SLC24A5: variants seen among roughly 807,000 people sequenced by gnomAD.
SLC24A5 encodes sodium/potassium/calcium exchanger 5.
SLC24A5 carries 46 observed loss-of-function variants against 51.6 expected under a neutral mutation model. The ratio of observed to expected loss-of-function variants is 0.89; its 90% CI spans 0.70 to 1.14. SLC24A5 has a LOEUF of 1.14. SLC24A5 is among the 50% of genes most tolerant of loss of function. The pLI, the probability that SLC24A5 is intolerant of heterozygous loss-of-function variation, is 0.00. For synonymous variants in SLC24A5, 230 were observed against 214.9 expected (o/e 1.07, Z -0.62); for missense variants, 581 against 604.1 (o/e 0.96, Z 0.40).
chr15:48,128,080 A>G (rs1218816106), intron 2 of SLC24A5, among the ~76,000 whole-genome samples: 6 of 151,892 alleles, frequency 4.0e-5, no homozygotes, highest in Non-Finnish European at 8.8e-5. Flanking sequence ...TAATTTTAGA[A>G]ACACAAAAGA....
chr15:48,138,992 C>A lies in SLC24A5; in HGVS notation c.895C>A (p.Pro299Thr), dbSNP rs111834801. ...SEDPPSVFNM[P>T]EADLKRIFWV... The stretch of plus-strand genomic sequence containing the variant: ...AGATCCACCAAGTGTTTTCAACATG[C>A]CTGAAGCAGACTTAAAAAGAATTTT... Residue 299 changes from proline to threonine, a missense_variant, in exon 7 of 9, where the codon CCT (proline) becomes ACT (threonine). By Grantham distance (38) the Pro-to-Thr change is conservative. Coordinates refer to ENST00000341459, the MANE Select transcript of SLC24A5 (RefSeq NM_205850.3). 2 of 1,612,498 alleles carry A rather than the reference C, an allele frequency of 1.2e-6. No individual in the cohort carries two copies. The highest frequency in any genetic ancestry group is 1.3e-5 in the African/African-American group (1 of 74,966).
chr15:48,132,638 G>A (rs1027220415), intron 2 of SLC24A5, among the ~76,000 whole-genome samples: 1 of 151,990 alleles, frequency 6.6e-6, no homozygotes, highest in Non-Finnish European at 1.5e-5. Context: ...TCTCACTCAG[G>A]GTCTCTTGTG....
chr15:48,132,604 G>C (rs567541917), intron 2 of SLC24A5, among the ~76,000 whole-genome samples: 1 of 152,236 alleles, frequency 6.6e-6, no homozygotes, highest in Admixed American at 6.5e-5. Context: ...GGTTTTGGGT[G>C]TTTACTGAGC....
At chr15:48,129,901 A>G (rs916355928) in intron 2 of SLC24A5, among the ~76,000 whole-genome samples, 1 of 152,090 alleles carries the variant, frequency 6.6e-6, no homozygotes, top group Non-Finnish European at 1.5e-5. Context: ...AAATAACTTA[A>G]GTCTCCTATC....
In SLC24A5 at chr15:48,131,899, A is replaced by G. The variant is rs539592012; in HGVS notation, c.302-2359A>G. On this transcript the variant is annotated intron_variant, in intron 2 of 8. Coordinates refer to ENST00000341459, the MANE Select transcript of SLC24A5 (RefSeq NM_205850.3). ...TCACAATGGTTTTTCAGGTGTCAAA[A>G]TAGCTTGGATTAGGGCTGGTTGGAT... Among the ~76,000 whole-genome samples, 22 of 152,262 alleles carry G rather than the reference A, an allele frequency of 1.4e-4. No homozygotes were observed. In the South Asian group the frequency reaches 4.3e-3, roughly 30 times the overall value.
rs2039067518 is a variant in SLC24A5, at chr15:48,141,143, T to C, written c.1109T>C (p.Met370Thr). The change falls in exon 8 of 9, where the codon ATG becomes ACG. Residue 370 changes from methionine to threonine, a missense_variant. Coordinates refer to ENST00000341459, the MANE Select transcript of SLC24A5 (RefSeq NM_205850.3). ...GETLEIPDTV[M>T]GLTLLAAGTS... The stretch of plus-strand genomic sequence containing the variant: ...ACACTAGAAATTCCCGATACAGTAA[T>C]GGGCCTTACTTTATTAGCAGCAGGA... The C allele has an allele frequency of 5.0e-6, 8 of 1,613,594 alleles. No homozygotes were observed. Among genetic ancestry groups the C allele is most frequent in the Admixed American group, 1.7e-5 (1 of 59,984 alleles).
Position 48,124,645 on chromosome 15 carries a change from C to T in SLC24A5, c.301+2609C>T, listed in dbSNP as rs1179546269. 2.6e-5 allele frequency: 4 copies of T among 152,178 alleles called. No homozygotes were observed. In the East Asian group the frequency reaches 7.7e-4, roughly 29 times the overall value. 9.4% of individuals were successfully genotyped at this position (152,178 alleles called of 1,614,324 possible). A position where few individuals can be genotyped will look rare whatever the true frequency, so the allele number is the denominator to read the frequency against. On this transcript the variant is annotated intron_variant, in intron 2 of 8. Coordinates refer to ENST00000341459, the MANE Select transcript of SLC24A5 (RefSeq NM_205850.3). ...AACCTTTCTAGCCCTGTAGAAGACA[C>T]TACTGCATTAAAATTTAGATTATGA...
chr15:48,142,280 C>T lies in SLC24A5; in HGVS notation c.1432C>T (p.Leu478Phe), dbSNP rs144839248. The change falls in exon 9 of 9, where the codon CTT (leucine) becomes TTT (phenylalanine). Residue 478 changes from leucine to phenylalanine, a missense_variant. Transcript: ENST00000341459. ...AGTCTGCCTATTATCATACTTGGGG[C>T]TTGCTACATTATCAGTTCTATATGA... Reference protein sequence around the residue: ...GIVCLLSYLGLATLSVLYELG... With the variant: ...GIVCLLSYLGFATLSVLYELG... 6.2e-7 allele frequency: 1 copy of T among 1,613,398 alleles called. No individual in the cohort carries two copies. The highest frequency in any genetic ancestry group is 8.5e-7 in the Non-Finnish European group (1 of 1,179,646).
At position 48,136,742 on chromosome 15, in the gene SLC24A5, A is replaced by C; in HGVS notation, c.650A>C (p.Asp217Ala). 1.2e-6 allele frequency: 2 copies of C among 1,613,594 alleles called. No homozygotes were observed. Among genetic ancestry groups the C allele is most frequent in the Non-Finnish European group, 1.7e-6 (2 of 1,179,758 alleles). Residue 217 changes from aspartate to alanine, a missense_variant, in exon 6 of 9, where the codon GAC (aspartate) becomes GCC (alanine). Coordinates refer to ENST00000341459, the MANE Select transcript of SLC24A5 (RefSeq NM_205850.3). ...YGLYVLVLCF[D>A]IKINQYIIKK... Reference sequence around the variant, plus strand: ...TTGTATGTTTTGGTGCTGTGTTTTGACATTAAAATTAACCAATATATTATA... The same window carrying C: ...TTGTATGTTTTGGTGCTGTGTTTTGCCATTAAAATTAACCAATATATTATA...
At chr15:48,134,120 T>C in intron 2 of SLC24A5, 138 bp from the exon 3 acceptor site, 1 of 733,824 alleles carries the variant, frequency 1.4e-6, no homozygotes, top group African/African-American at 1.8e-5. Context: ...CATTGGACTC[T>C]TTTAATCTGT....
chr15:48,121,708 T>A (rs1361902050), intron 1 of SLC24A5, 149 bp from the exon 2 acceptor site: 2 of 790,236 alleles, frequency 2.5e-6, no homozygotes, highest in Non-Finnish European at 4.1e-6. Flanking sequence ...ACAACTGTGT[T>A]ATATTCAGAA....
chr15:48,123,782 G>T (rs550013566), intron 2 of SLC24A5: 1 of 152,058 alleles, frequency 6.6e-6, no homozygotes, highest in Non-Finnish European at 1.5e-5. Context: ...CCCACAAAAG[G>T]TGTGCCTACT....
chr15:48,122,337 T>C (rs746310848), intron 2 of SLC24A5: 5 of 542,268 alleles, frequency 9.2e-6, no homozygotes, highest in Non-Finnish European at 1.6e-5. Flanking sequence ...AAGATTTCAC[T>C]TGTATGTACT....
intron 2 of SLC24A5, among the ~76,000 whole-genome samples, chr15:48,132,464 C>G (rs1567223067): frequency 6.6e-6 from 1 of 152,062 alleles, no homozygotes; most frequent in Non-Finnish European, 1.5e-5. Flanking sequence ...TGTTCACTGC[C>G]TTATTACTAG....
chr15:48,121,817 C>T (rs1236535702), intron 1 of SLC24A5, 40 bp from the exon 2 acceptor site: 1 of 1,601,530 alleles, frequency 6.2e-7, no homozygotes, highest in East Asian at 2.2e-5. Flanking sequence ...GAATGTGTGA[C>T]TCCAAACTCT....
intron 2 of SLC24A5, chr15:48,122,349 T>C (rs1391879729): frequency 5.7e-6 from 3 of 529,272 alleles, no homozygotes; most frequent in East Asian, 5.8e-5. Flanking sequence ...GTATGTACTT[T>C]GTGTGCGCTC....
intron 2 of SLC24A5, among the ~76,000 whole-genome samples, chr15:48,129,651 C>A (rs2038769052): frequency 6.6e-6 from 1 of 151,692 alleles, no homozygotes; most frequent in African/African-American, 2.4e-5. Context: ...GGTTAAAATA[C>A]TATGATAAAA....
At chr15:48,126,269 C>A (rs2038730499) in intron 2 of SLC24A5, among the ~76,000 whole-genome samples, 1 of 152,192 alleles carries the variant, frequency 6.6e-6, no homozygotes, top group Non-Finnish European at 1.5e-5. Context: ...CAACCTCAGA[C>A]ACTTTACCAC....
At position 48,121,143 on chromosome 15, in the gene SLC24A5, C is replaced by A; in HGVS notation, c.99C>A (p.Pro33=). 1 of 1,613,326 alleles carries A rather than the reference C, an allele frequency of 6.2e-7. No homozygotes were observed. The highest frequency in any genetic ancestry group is 8.5e-7 in the Non-Finnish European group (1 of 1,179,636). ...TGCCTCTCTCAGGGACCTCCCTGCC[C>A]CAACGTCTCCCAAGGGCCACAGGTA... The part of the protein sequence containing the change: ...AHLPLSGTSL[P]QRLPRATGNS... Residue 33 remains proline (P), a synonymous_variant, in exon 1 of 9, where the codon CCC becomes CCA. Coordinates refer to ENST00000341459, the MANE Select transcript of SLC24A5 (RefSeq NM_205850.3).
Sources: gnomAD v4.1 joint callset for allele counts (sites outside exome capture counted in the v4.1 genomes callset) on GRCh38, gnomAD v4.1.1 for gene constraint, MANE v1.5 for transcripts, NCBI Gene and HGNC (gene_info 2026-07-23, HGNC 2026-07-21) for gene names.